LAMA3: variants seen among roughly 807,000 people sequenced by gnomAD.
LAMA3 encodes the protein laminin subunit alpha 3.
Under a neutral mutation model 402.0 loss-of-function variants are expected in LAMA3, and 281 were observed. That is an observed-to-expected ratio of 0.70 (90% CI 0.63 to 0.77). The LOEUF (loss-of-function observed/expected upper bound fraction) is 0.77, where lower values mean the gene tolerates loss of function less well. Ranked by LOEUF, LAMA3 falls within the 30% of genes least tolerant of loss-of-function variation. The pLI is 0.00. For missense variants in LAMA3, 3,840 were observed against 4,215.5 expected, an observed-to-expected ratio of 0.91 and a Z score of 2.47; for synonymous variants, 1,431 against 1,558.4, an observed-to-expected ratio of 0.92 and a Z score of 1.93.
rs755468181 is a variant in LAMA3 at position 23,928,199 on chromosome 18, G to A, written c.8254G>A (p.Asp2752Asn). The A allele has an allele frequency of 9.9e-6, 16 of 1,613,734 alleles. No individual in the cohort carries two copies. The Admixed American group carries it at 2.5e-4, about 25-fold the overall frequency. Residue 2752 changes from aspartate to asparagine, a missense_variant, in exon 63 of 75, where the codon GAT becomes AAT. By Grantham distance (23) the Asp-to-Asn change is conservative. Around this residue, in one of 3 missense-constraint regions of LAMA3, gnomAD observed 840 missense variants for 981.9 expected, o/e 0.86. Coordinates refer to ENST00000313654, the MANE Select transcript of LAMA3 (RefSeq NM_198129.4). ...KKTSGVVRLNDTVGVTKKCSE... is the reference protein window; with the variant it reads ...KKTSGVVRLNNTVGVTKKCSE... ...AACCAGTGGTGTCGTTAGATTGAAT[G>A]ATACTGTGGGAGTAACCAAAAAGTG...
intron 62 of LAMA3, among the ~76,000 whole-genome samples, chr18:23,923,411 G>A (rs1222860649): frequency 6.6e-6 from 1 of 152,204 alleles, no homozygotes; most frequent in African/African-American, 2.4e-5. Context: ...TGAGCAACAG[G>A]GATCAGATTC....
chr18:23,703,883 C>T (rs1008247826), intron 1 of LAMA3, among the ~76,000 whole-genome samples: 1 of 152,196 alleles, frequency 6.6e-6, no homozygotes, highest in Non-Finnish European at 1.5e-5. Flanking sequence ...CCCAAATCTT[C>T]AGTAACCACA....
At chr18:23,762,644 A>C (rs191030765) in intron 7 of LAMA3, among the ~76,000 whole-genome samples, 1 of 151,972 alleles carries the variant, frequency 6.6e-6, no homozygotes, top group Non-Finnish European at 1.5e-5. Flanking sequence ...ACACACTTCC[A>C]AGTTGCCTTG....
intron 18 of LAMA3, among the ~76,000 whole-genome samples, chr18:23,817,900 T>C (rs1233279262): frequency 1.3e-5 from 2 of 152,044 alleles, no homozygotes; most frequent in Non-Finnish European, 2.9e-5. Flanking sequence ...GCGCCTGTAA[T>C]CCCAGTACTT....
intron 12 of LAMA3, chr18:23,796,029 G>A: frequency 2.3e-6 from 1 of 427,016 alleles, no homozygotes; most frequent in South Asian, 1.8e-5. Context: ...TGAGGACCCA[G>A]TGAAAAGGTG....
chr18:23,875,901 A>G (rs1242972463), intron 38 of LAMA3, among the ~76,000 whole-genome samples: 1 of 152,118 alleles, frequency 6.6e-6, no homozygotes, highest in Non-Finnish European at 1.5e-5. Context: ...CCCACCATGC[A>G]TCTCACACTC....
At chr18:23,931,484 A>C (rs1298939109) in intron 65 of LAMA3, 1 of 337,738 alleles carries the variant, frequency 3.0e-6, no homozygotes, top group Non-Finnish European at 5.4e-6. Context: ...CAGTGAAACC[A>C]TGTCTCTACG....
At chr18:23,897,741 A>C (rs1272844664) in intron 44 of LAMA3, among the ~76,000 whole-genome samples, 2 of 152,228 alleles carry the variant, frequency 1.3e-5, no homozygotes, top group Non-Finnish European at 2.9e-5. Context: ...TTAAAATAGA[A>C]CTATCTTCTT....
intron 52 of LAMA3, among the ~76,000 whole-genome samples, chr18:23,906,163 G>C (rs1420851038): frequency 6.6e-6 from 1 of 152,102 alleles, no homozygotes; most frequent in African/African-American, 2.4e-5. Context: ...ATTAACTAGA[G>C]CCTTATAAAT....
intron 5 of LAMA3, among the ~76,000 whole-genome samples, chr18:23,752,487 A>G (rs1436144734): frequency 6.6e-6 from 1 of 152,100 alleles, no homozygotes; most frequent in Non-Finnish European, 1.5e-5. Context: ...TGCTTCTTTC[A>G]TGGAGGAATA....
chr18:23,789,068 A>C (rs577192585), intron 12 of LAMA3, among the ~76,000 whole-genome samples: 1 of 152,298 alleles, frequency 6.6e-6, no homozygotes, highest in Non-Finnish European at 1.5e-5. Context: ...ACAAATGGCC[A>C]ACTGGTATAT....
chr18:23,856,611 G>A (rs1285995908), intron 32 of LAMA3, among the ~76,000 whole-genome samples: 1 of 152,060 alleles, frequency 6.6e-6, no homozygotes, highest in African/African-American at 2.4e-5. Context: ...TTTCTTGTCT[G>A]CCCGGATCTT....
intron 2 of LAMA3, among the ~76,000 whole-genome samples, chr18:23,729,608 A>T (rs759250474): frequency 1.3e-5 from 2 of 152,242 alleles, no homozygotes; most frequent in Non-Finnish European, 2.9e-5. Flanking sequence ...TTTAGAATTT[A>T]AAAATGATTA....
At chr18:23,780,689 T>C (rs928408229) in intron 11 of LAMA3, among the ~76,000 whole-genome samples, 8 of 152,146 alleles carry the variant, frequency 5.3e-5, no homozygotes, top group African/African-American at 1.9e-4. Context: ...ATATTGATGA[T>C]GATGATTTTA....
At position 23,899,009 on chromosome 18, in the gene LAMA3, C is replaced by T. The variant is rs146039146; in HGVS notation, c.5780C>T (p.Thr1927Ile). ...TTAAACAACAATGTTAATCGGGCAA[C>T]ACAAAGCGCAAAAGAACTGGATGTG... ...QTLNNNVNRA[T>I]QSAKELDVKI... The change falls in exon 46 of 75, where the codon ACA becomes ATA. Residue 1927 changes from threonine (T) to isoleucine (I), a missense_variant. Physicochemically the swap from Thr to Ile is moderately conservative, Grantham distance 89. Around this residue, in one of 3 missense-constraint regions of LAMA3, gnomAD observed 891 missense variants for 857.5 expected, o/e 1.04. Coordinates refer to ENST00000313654, the MANE Select transcript of LAMA3 (RefSeq NM_198129.4). The T allele has an allele frequency of 4.0e-5, 64 of 1,613,960 alleles. No homozygotes were observed. In the African/African-American group the frequency reaches 5.7e-4, roughly 14 times the overall value.
chr18:23,893,550 T>C (rs533051078), intron 42 of LAMA3, among the ~76,000 whole-genome samples: 222 of 152,126 alleles, frequency 1.5e-3, no homozygotes, highest in African/African-American at 5.1e-3. Context: ...ACCACTGCAG[T>C]CCAACCTGGG....
In LAMA3 at chr18:23,933,825, C is replaced by T. The variant is rs1382889455; in HGVS notation, c.8752C>T (p.Leu2918Phe). ...PEVLDLTSNS[L>F]KRDVSLGGCS... Reference sequence around the variant, plus strand: ...AGTCCTAGATTTGACCAGTAACTCTCTCAAGAGAGATGTGTCCCTGGGAGG... The same window carrying T: ...AGTCCTAGATTTGACCAGTAACTCTTTCAAGAGAGATGTGTCCCTGGGAGG... Residue 2918 changes from leucine (L) to phenylalanine (F), a missense_variant, in exon 67 of 75, where the codon CTC (leucine) becomes TTC (phenylalanine). Leu to Phe is a conservative substitution (Grantham distance 22). Transcript: ENST00000313654. 5.6e-6 allele frequency: 9 copies of T among 1,614,088 alleles called. No individual in the cohort carries two copies. The East Asian group carries it at 1.8e-4, about 32-fold the overall frequency.
chr18:23,778,326 T>A (rs994586012), intron 11 of LAMA3, among the ~76,000 whole-genome samples: 3 of 152,128 alleles, frequency 2.0e-5, no homozygotes, highest in Admixed American at 2.0e-4. Context: ...ACAGAAAAAA[T>A]TCCCAGCTTT....
chr18:23,780,831 CT>C (rs2062422437), intron 11 of LAMA3, among the ~76,000 whole-genome samples: 1 of 152,190 alleles, frequency 6.6e-6, no homozygotes, highest in Non-Finnish European at 1.5e-5. Flanking sequence ...ACTTCGTATT[CT>C]GTCCTGCAGG....
Sources: gnomAD v4.1 joint callset for allele counts (sites outside exome capture counted in the v4.1 genomes callset) on GRCh38, gnomAD v4.1.1 for gene constraint, gnomAD v4.1.1 regional missense constraint, MANE v1.5 for transcripts, NCBI Gene and HGNC (gene_info 2026-07-23, HGNC 2026-07-21) for gene names.